HS6ST2: variants seen among roughly 807,000 people sequenced by gnomAD.
HS6ST2 encodes heparan sulfate 6-O-sulfotransferase 2.
In HS6ST2, 17 loss-of-function variants were observed where a neutral mutation model predicts 33.0. That is an observed-to-expected ratio of 0.52 (90% confidence interval 0.35 to 0.77). The LOEUF (loss-of-function observed/expected upper bound fraction) is 0.77. Ranked by LOEUF, HS6ST2 falls within the 30% of genes least tolerant of loss-of-function variation. The pLI is 0.01. For missense variants in HS6ST2, 519 were observed against 551.7 expected (o/e 0.94, Z 0.59); for synonymous variants, 248 against 237.1 (o/e 1.05, Z -0.42).
intron 2 of HS6ST2, among the ~76,000 whole-genome samples, chrX:132,891,337 C>A (rs867825700): frequency 0.034 from 2,470 of 72,224 alleles, no homozygotes; most frequent in Middle Eastern, 0.065. Context: ...AAATGTTTAC[C>A]AAAAAAAAAA....
At chrX:132,666,806 C>T (rs990586433) in intron 4 of HS6ST2, among the ~76,000 whole-genome samples, 4 of 111,684 alleles carry the variant, frequency 3.6e-5, no homozygotes, top group Non-Finnish European at 5.6e-5. Flanking sequence ...TAGGGAAATT[C>T]TTAAAAACTG....
intron 4 of HS6ST2, among the ~76,000 whole-genome samples, chrX:132,650,772 T>TCTCTCTC (rs10693295): frequency 1.0e-5 from 1 of 99,606 alleles, no homozygotes; most frequent in African/African-American, 3.7e-5. Flanking sequence ...TCTCTCTCTC[T>TCTCTCTC]TCTTTTTTGT....
At chrX:132,817,345 C>T (rs1171738714) in intron 2 of HS6ST2, among the ~76,000 whole-genome samples, 2 of 110,344 alleles carry the variant, frequency 1.8e-5, no homozygotes, top group Non-Finnish European at 3.8e-5. Context: ...TTCATGGGGC[C>T]TGCAGAGTTA....
chrX:132,851,051 G>C (rs189802273), intron 2 of HS6ST2, among the ~76,000 whole-genome samples: 18 of 111,930 alleles, frequency 1.6e-4, no homozygotes, highest in Non-Finnish European at 2.8e-4. Flanking sequence ...TAGTAGAAGA[G>C]CTATAAAATC....
intron 2 of HS6ST2, among the ~76,000 whole-genome samples, chrX:132,822,873 C>T (rs2065473608): frequency 8.9e-6 from 1 of 112,177 alleles, no homozygotes; most frequent in African/African-American, 3.2e-5. Context: ...ACAAGATTCT[C>T]GTCTGGAAGG....
intron 2 of HS6ST2, among the ~76,000 whole-genome samples, chrX:132,715,490 T>C (rs2064265555): frequency 8.9e-6 from 1 of 112,157 alleles, no homozygotes; most frequent in Non-Finnish European, 1.9e-5. Flanking sequence ...AACTCGGGGA[T>C]ATGTCTTCTA....
chrX:132,764,628 C>A (rs986248243), intron 2 of HS6ST2, among the ~76,000 whole-genome samples: 3 of 111,219 alleles, frequency 2.7e-5, no homozygotes, highest in African/African-American at 9.8e-5. Flanking sequence ...GGGAAATGCC[C>A]CTCCTTATTT....
At chrX:132,861,762 T>G (rs981380563) in intron 2 of HS6ST2, among the ~76,000 whole-genome samples, 1 of 112,056 alleles carries the variant, frequency 8.9e-6, no homozygotes, top group Non-Finnish European at 1.9e-5. Context: ...CCGGGTATCT[T>G]AAGGTTTTCT....
At chrX:132,774,762 C>T (rs1430995564) in intron 2 of HS6ST2, among the ~76,000 whole-genome samples, 1 of 110,570 alleles carries the variant, frequency 9.0e-6, no homozygotes. Context: ...CTCACTGCAA[C>T]CTCTGCCTTC....
chrX:132,863,444 C>T (rs773788125), intron 2 of HS6ST2, among the ~76,000 whole-genome samples: 5 of 110,086 alleles, frequency 4.5e-5, no homozygotes, highest in African/African-American at 1.7e-4. Flanking sequence ...CTCAGCCTCC[C>T]GAGTAGCTGG....
chrX:132,909,619 T>TTC (rs1236567916), intron 2 of HS6ST2, among the ~76,000 whole-genome samples: 3 of 111,909 alleles, frequency 2.7e-5, no homozygotes, highest in Non-Finnish European at 5.6e-5. Flanking sequence ...GGGTACACAC[T>TTC]GTGAAGTCAT....
In HS6ST2 at chrX:132,958,217, A is replaced by G. The variant is rs958450685; in HGVS notation, c.386T>C (p.Val129Ala). Residue 129 changes from valine to alanine, a missense_variant, in exon 1 of 5, where the codon GTG becomes GCG. Transcript: ENST00000370833. ...LAALGHSLKHVLGAIFSKIFG... is the reference protein window; with the variant it reads ...LAALGHSLKHALGAIFSKIFG... The stretch of plus-strand genomic sequence containing the variant: ...AATCTTGGAGAAGATCGCACCGAGC[A>G]CGTGCTTCAGCGAGTGGCCCAGGGC... 1.7e-6 allele frequency: 2 copies of G among 1,169,445 alleles called. No homozygotes were observed. The highest frequency in any genetic ancestry group is 2.3e-6 in the Non-Finnish European group (2 of 880,989).
chrX:132,837,600 C>T (rs1056786997), intron 2 of HS6ST2, among the ~76,000 whole-genome samples: 7 of 111,714 alleles, frequency 6.3e-5, no homozygotes, highest in Non-Finnish European at 9.4e-5. Context: ...TCCTGTGAAA[C>T]AGTCCTTATT....
chrX:132,640,722 AATT>A (rs964716238), intron 4 of HS6ST2, among the ~76,000 whole-genome samples: 1 of 111,939 alleles, frequency 8.9e-6, no homozygotes, highest in African/African-American at 3.3e-5. Flanking sequence ...CTCATGAATT[AATT>A]ATTATTTATA....
At chrX:132,777,063 T>C (rs1181319807) in intron 2 of HS6ST2, among the ~76,000 whole-genome samples, 1 of 104,024 alleles carries the variant, frequency 9.6e-6, no homozygotes, top group Non-Finnish European at 2.0e-5. Context: ...ACATTTCTCA[T>C]TGTTACAACT....
intron 2 of HS6ST2, among the ~76,000 whole-genome samples, chrX:132,726,375 C>A (rs1393714832): frequency 2.7e-5 from 3 of 111,559 alleles, no homozygotes; most frequent in Non-Finnish European, 5.7e-5. Context: ...CTAGAGAAAC[C>A]CTTTGAATCT....
intron 3 of HS6ST2, among the ~76,000 whole-genome samples, chrX:132,704,058 C>T (rs755711355): frequency 5.4e-5 from 6 of 111,831 alleles, no homozygotes; most frequent in Non-Finnish European, 7.5e-5. Context: ...AGAAAAAAAT[C>T]TATCACTGAT....
chrX:132,810,381 G>T (rs1232830461), intron 2 of HS6ST2, among the ~76,000 whole-genome samples: 1 of 107,755 alleles, frequency 9.3e-6, no homozygotes. Context: ...ACTCCAGCCT[G>T]GGTGACAGTG....
intron 2 of HS6ST2, among the ~76,000 whole-genome samples, chrX:132,711,702 A>G (rs2148253278): frequency 8.9e-6 from 1 of 112,330 alleles, no homozygotes; most frequent in East Asian, 2.8e-4. Context: ...GAGTATGTCC[A>G]AAATCATAAT....
Sources: allele counts gnomAD v4.1 joint callset (sites outside exome capture counted in the v4.1 genomes callset), GRCh38; gene constraint gnomAD v4.1.1; transcripts MANE v1.5; gene names NCBI Gene and HGNC (gene_info 2026-07-23, HGNC 2026-07-21).